SHC1: variants seen among roughly 807,000 people sequenced by gnomAD.
The protein encoded by SHC1 is SHC-transforming protein 1.
Under a neutral mutation model 55.9 loss-of-function variants are expected in SHC1, and 30 were observed. The observed-to-expected ratio is 0.54, with a 90% CI of 0.40 to 0.73. SHC1 has a LOEUF of 0.73. Ranked by LOEUF, SHC1 falls within the 30% of genes least tolerant of loss-of-function variation. The probability of loss-of-function intolerance (pLI) is 0.00; values close to 1 mark genes in which losing one functional copy is unlikely to be tolerated. For missense variants in SHC1, 675 were observed against 777.1 expected, an observed-to-expected ratio of 0.87 and a Z score of 1.56; for synonymous variants, 309 against 306.1, an observed-to-expected ratio of 1.01 and a Z score of -0.10.
At chr1:154,969,554 GGAA>G (rs2102139103) in intron 1 of SHC1, 106 bp from the exon 2 acceptor site, 2 of 737,906 alleles carry the variant, frequency 2.7e-6, no homozygotes, top group African/African-American at 1.8e-5. Context: ...GAAGTAAAGA[GGAA>G]GAAGTTCTGC....
chr1:154,964,342 C>G (rs1396629674), intron 11 of SHC1: 1 of 459,528 alleles, frequency 2.2e-6, no homozygotes, highest in East Asian at 7.0e-5. Context: ...TCAAGAACAG[C>G]TTGGGCAACA....
chr1:154,969,077 A>T (rs1050645849), intron 2 of SHC1, among the ~76,000 whole-genome samples: 1 of 152,004 alleles, frequency 6.6e-6, no homozygotes, highest in Non-Finnish European at 1.5e-5. Flanking sequence ...CAAATGTCCC[A>T]TTCCCTTCCC....
intron 11 of SHC1, among the ~76,000 whole-genome samples, chr1:154,965,130 A>G (rs1655776369): frequency 3.3e-5 from 5 of 152,102 alleles, no homozygotes; most frequent in African/African-American, 9.7e-5. Flanking sequence ...TCTGCATCCC[A>G]GATTCAAGCA....
At chr1:154,971,736 C>T (rs1297282817), upstream of SHC1, among the ~76,000 whole-genome samples, 1 of 152,136 alleles carries the variant, frequency 6.6e-6, no homozygotes, top group Non-Finnish European at 1.5e-5. Context: ...GTAGAAACTA[C>T]AGGCCAGGAA....
In SHC1 at chr1:154,963,537, T is replaced by A. The variant is rs1013173140; in HGVS notation, c.*266A>T. On this transcript the variant is annotated 3_prime_UTR_variant, in exon 12 of 12. Coordinates refer to ENST00000448116, the MANE Select transcript of SHC1 (RefSeq NM_001130040.2). The stretch of plus-strand genomic sequence containing the variant: ...CACTCACCTTCTTGGGGAAGGGGCA[T>A]CAGGTTGGCACAGGAAAGGCCCAGG... 3 of 365,730 alleles carry A rather than the reference T, an allele frequency of 8.2e-6. No homozygotes were observed. Among genetic ancestry groups the A allele is most frequent in the African/African-American group, 4.1e-5 (2 of 49,176 alleles). The allele number at this position is 365,730 out of a possible 1,614,324, so 22.7% of individuals were successfully genotyped here.
rs1655433507 is a variant in SHC1 at position 154,962,414 on chromosome 1, A to G, written c.*1389T>C. On this transcript the variant is annotated 3_prime_UTR_variant, in exon 12 of 12. Coordinates refer to ENST00000448116, the MANE Select transcript of SHC1 (RefSeq NM_001130040.2). Reference sequence around the variant, plus strand: ...AAACGGTCAACTCTCCCTTATCCACAAGGCCAAAAGAGGGGGGGCCGGCTT... The same window carrying G: ...AAACGGTCAACTCTCCCTTATCCACGAGGCCAAAAGAGGGGGGGCCGGCTT... 6.5e-6 allele frequency: 1 copy of G among 152,724 alleles called. No homozygotes were observed. The highest frequency in any genetic ancestry group is 1.5e-5 in the Non-Finnish European group (1 of 68,050). 9.5% of individuals were successfully genotyped at this position (152,724 alleles called of 1,614,324 possible).
chr1:154,971,975 C>T (rs1359936578), upstream of SHC1, among the ~76,000 whole-genome samples: 3 of 151,920 alleles, frequency 2.0e-5, no homozygotes, highest in South Asian at 4.2e-4. Flanking sequence ...CTACCGGGCG[C>T]GGTGGCTCAC....
In SHC1 at chr1:154,968,580, C is replaced by T. The variant is rs987120406; in HGVS notation, c.665G>A (p.Arg222Lys). The change falls in exon 4 of 12, where the codon AGG (arginine) becomes AAG (lysine). Residue 222 changes from arginine (R) to lysine (K), a missense_variant. Arg to Lys is a conservative substitution (Grantham distance 26). This residue lies in a region of SHC1 where 159 missense variants were observed against 246.9 expected (regional missense o/e 0.64). Transcript: ENST00000448116. ...CSRPLSSILG[R>K]SNLKFAGMPI... The stretch of plus-strand genomic sequence containing the variant: ...CATTCCAGCAAATTTCAGGTTACTC[C>T]TCCCCAGGATAGAGCTGAGCGGGCG... 2 of 1,613,982 alleles carry T rather than the reference C, an allele frequency of 1.2e-6. No individual in the cohort carries two copies. The highest frequency in any genetic ancestry group is 2.7e-5 in the African/African-American group (2 of 74,890).
chr1:154,967,873 T>C (rs1656209192), intron 6 of SHC1, 76 bp from the exon 7 acceptor site: 2 of 1,604,422 alleles, frequency 1.2e-6, no homozygotes, highest in Non-Finnish European at 1.7e-6. Context: ...CATCTTCCTC[T>C]GCAGGAACCC....
In SHC1 at chr1:154,963,876, A is replaced by G; in HGVS notation, c.1682T>C (p.Met561Thr). The change falls in exon 12 of 12, where the codon ATG becomes ACG. Residue 561 changes from methionine (M) to threonine (T), a missense_variant. Around this residue, in one of 3 missense-constraint regions of SHC1, gnomAD observed 360 missense variants for 371.1 expected, o/e 0.97. Transcript: ENST00000448116. The part of the protein sequence containing the change: ...ESVSHLISYH[M>T]DNHLPIISAG... Reference sequence around the variant, plus strand: ...AGAGATGATGGGCAAGTGATTGTCCATGTGGTAGCTGATAAGGTGACTGAC... The same window carrying G: ...AGAGATGATGGGCAAGTGATTGTCCGTGTGGTAGCTGATAAGGTGACTGAC... The G allele has an allele frequency of 6.2e-7, 1 of 1,614,202 alleles. No individual in the cohort carries two copies. Among genetic ancestry groups the G allele is most frequent in the East Asian group, 2.2e-5 (1 of 44,892 alleles).
Position 154,963,592 on chromosome 1 carries a change from G to C in SHC1, c.*211C>G, listed in dbSNP as rs1241403963. ...GGGCCACTCTGTACATTAATACTTT[G>C]GTGATTAATGTTTGGGGAGAGGCAG... On this transcript the variant is annotated 3_prime_UTR_variant, in exon 12 of 12. Transcript: ENST00000448116. 5.5e-6 allele frequency: 3 copies of C among 545,640 alleles called. No individual in the cohort carries two copies. Among genetic ancestry groups the C allele is most frequent in the African/African-American group, 1.9e-5 (1 of 52,770 alleles). The allele number at this position is 545,640 out of a possible 1,614,324, so 33.8% of individuals were successfully genotyped here.
chr1:154,966,102 A>G (rs1332064649), intron 9 of SHC1, 22 bp from the exon 10 acceptor site: 17 of 1,613,886 alleles, frequency 1.1e-5, no homozygotes, highest in Middle Eastern at 1.6e-4. Context: ...GAGGCTCTAC[A>G]GTGATCCCAG....
rs963259149 is a variant in SHC1, at chr1:154,970,030, AC to A, written c.495+1del. ...GGAATGGAGAGGAGGATGTTCACTCACCCGAACCAAGTAGGAAACCCCGGGT... is the reference window on the plus strand; with the variant it reads ...GGAATGGAGAGGAGGATGTTCACTCACCGAACCAAGTAGGAAACCCCGGGT... On this transcript the variant is annotated splice_donor_variant, in intron 1 of 11. Transcript: ENST00000448116. LOFTEE classifies it high-confidence loss of function. The surrounding 1 kb of genome is among the most constrained non-coding windows in gnomAD (Gnocchi z 5.5). 6.2e-7 allele frequency: 1 copy of A among 1,613,688 alleles called. No homozygotes were observed. Among genetic ancestry groups the A allele is most frequent in the Non-Finnish European group, 8.5e-7 (1 of 1,179,928 alleles).
At chr1:154,969,046 G>T (rs1469349547) in intron 2 of SHC1, among the ~76,000 whole-genome samples, 1 of 152,058 alleles carries the variant, frequency 6.6e-6, no homozygotes, top group East Asian at 1.9e-4. Context: ...AATGGGTATA[G>T]CCCCACCCCC....
chr1:154,974,344 G>A (rs1553253105), upstream of SHC1: 1 of 295,388 alleles, frequency 3.4e-6, no homozygotes, highest in Non-Finnish European at 6.6e-6. Context: ...TTCTCCCCGG[G>A]CCCTGCCTCC....
chr1:154,965,298 A>C, intron 11 of SHC1: 1 of 1,271,408 alleles, frequency 7.9e-7, no homozygotes, highest in Non-Finnish European at 1.0e-6. Context: ...CAGCCTCCCA[A>C]AGCGCTGGGA....
Position 154,970,266 on chromosome 1 carries a change from T to C in SHC1, c.261A>G (p.Ala87=). ...CTACGATCCCCTCCCCATCATCAGC[T>C]GCCCTTCCTGGCTCCCCCTTAGACC... The part of the protein sequence containing the change: ...RPGSKGEPGR[A]ADDGEGIVGA... Residue 87 remains alanine, a synonymous_variant, in exon 1 of 12, where the codon GCA becomes GCG. Transcript: ENST00000448116. The surrounding 1 kb of genome is among the most constrained non-coding windows in gnomAD (Gnocchi z 5.5). 1.2e-6 allele frequency: 2 copies of C among 1,610,124 alleles called. No homozygotes were observed. The highest frequency in any genetic ancestry group is 1.7e-6 in the Non-Finnish European group (2 of 1,177,556).
At chr1:154,964,112 A>G (rs747190730) in intron 11 of SHC1, 181 bp from the exon 12 acceptor site, 9 of 770,318 alleles carry the variant, frequency 1.2e-5, no homozygotes, top group Non-Finnish European at 1.7e-5. Flanking sequence ...AGTTGTAGGA[A>G]TAGACAGGTC....
chr1:154,968,610 CAGGGCTA>C lies in SHC1; in HGVS notation c.631-3_634del. ...CAGGATAGAGCTGAGCGGGCGGCTACAGGGCTAAGGTAGGGCCCAGGGTCTCAGAAGG... is the reference window on the plus strand; with the variant it reads ...CAGGATAGAGCTGAGCGGGCGGCTACAGGTAGGGCCCAGGGTCTCAGAAGG... On this transcript the variant is annotated splice_acceptor_variant and splice_polypyrimidine_tract_variant and coding_sequence_variant and intron_variant, in exon 4 of 12. Transcript: ENST00000448116. LOFTEE classifies it high-confidence loss of function. 1 of 1,614,096 alleles carries C rather than the reference CAGGGCTA, an allele frequency of 6.2e-7. No individual in the cohort carries two copies. Among genetic ancestry groups the C allele is most frequent in the Non-Finnish European group, 8.5e-7 (1 of 1,180,004 alleles).
Sources: allele counts gnomAD v4.1 joint callset (sites outside exome capture counted in the v4.1 genomes callset), GRCh38; gene constraint gnomAD v4.1.1; regional missense constraint gnomAD v4.1.1; non-coding constraint Gnocchi (gnomAD v3.1); transcripts MANE v1.5; gene names NCBI Gene and HGNC (gene_info 2026-07-23, HGNC 2026-07-21).